Variants in ADAMTS12 observed in about 807,000 individuals in gnomAD.
ADAMTS12 encodes the protein ADAM metallopeptidase with thrombospondin type 1 motif 12, also known as A disintegrin and metalloproteinase with thrombospondin motifs 12.
A neutral mutation model predicts 167.8 loss-of-function variants in ADAMTS12; 118 were observed. The ratio of observed to expected loss-of-function variants is 0.70; its 90% CI spans 0.61 to 0.82. The LOEUF is 0.82. ADAMTS12 is among the 40% of genes least tolerant of loss of function. The pLI, the probability that ADAMTS12 is intolerant of heterozygous loss-of-function variation, is 0.00. For synonymous variants in ADAMTS12, 704 were observed against 716.9 expected, an observed-to-expected ratio of 0.98 and a Z score of 0.29; for missense variants, 1,916 against 1,998.8, an observed-to-expected ratio of 0.96 and a Z score of 0.79.
At chr5:33,725,151 G>A (rs907892538) in intron 3 of ADAMTS12, among the ~76,000 whole-genome samples, 9 of 152,094 alleles carry the variant, frequency 5.9e-5, no homozygotes, top group African/African-American at 2.2e-4. Flanking sequence ...TTGACAATCG[G>A]CATTCCTGAA....
chr5:33,824,841 TA>T (rs1275502025), intron 2 of ADAMTS12, among the ~76,000 whole-genome samples: 3 of 152,152 alleles, frequency 2.0e-5, no homozygotes, highest in Non-Finnish European at 2.9e-5. Flanking sequence ...ATCTGGCCCC[TA>T]AAATCTCCTA....
chr5:33,524,504 A>G lies in ADAMTS12; in HGVS notation c.*2684T>C, dbSNP rs969480923. On this transcript the variant is annotated 3_prime_UTR_variant, in exon 24 of 24. Coordinates refer to ENST00000504830, the MANE Select transcript of ADAMTS12 (RefSeq NM_030955.4). The stretch of plus-strand genomic sequence containing the variant: ...TCAGTTGCTTGATCCAGGTGAGAAG[A>G]AAGAAGGGCCTAGATAAAGTAAATC... 6.6e-6 allele frequency: 1 copy of G among 152,204 alleles called. No individual in the cohort carries two copies. The highest frequency in any genetic ancestry group is 1.9e-4 in the East Asian group (1 of 5,192). The allele number at this position is 152,204 out of a possible 1,614,324, so 9.4% of individuals were successfully genotyped here. A position where few individuals can be genotyped will look rare whatever the true frequency, so the allele number is the denominator to read the frequency against.
At chr5:33,681,343 G>T (rs1742103173) in intron 5 of ADAMTS12, among the ~76,000 whole-genome samples, 1 of 152,172 alleles carries the variant, frequency 6.6e-6, no homozygotes, top group South Asian at 2.1e-4. Flanking sequence ...TTGACTGCAG[G>T]TCTCTTGCTG....
chr5:33,735,790 A>G (rs1171873068), intron 3 of ADAMTS12, among the ~76,000 whole-genome samples: 1 of 152,216 alleles, frequency 6.6e-6, no homozygotes, highest in Non-Finnish European at 1.5e-5. Context: ...AACTGCCACT[A>G]AGGAAAGGAA....
chr5:33,528,718 CAG>C (rs1473912399), intron 23 of ADAMTS12, among the ~76,000 whole-genome samples: 1 of 152,224 alleles, frequency 6.6e-6, no homozygotes, highest in Non-Finnish European at 1.5e-5. Context: ...TCATACTATT[CAG>C]AGTGTCAAGC....
intron 3 of ADAMTS12, among the ~76,000 whole-genome samples, chr5:33,725,906 A>G (rs889725914): frequency 2.6e-5 from 4 of 152,332 alleles, no homozygotes; most frequent in African/African-American, 9.6e-5. Flanking sequence ...AACTTAACAA[A>G]TTCCCCGGGG....
intron 2 of ADAMTS12, among the ~76,000 whole-genome samples, chr5:33,858,144 A>G (rs983608810): frequency 6.6e-6 from 1 of 152,250 alleles, no homozygotes; most frequent in African/African-American, 2.4e-5. Flanking sequence ...TCTGACTACA[A>G]TGAAATTAAA....
intron 2 of ADAMTS12, among the ~76,000 whole-genome samples, chr5:33,814,309 T>A (rs778366838): frequency 6.6e-6 from 1 of 152,226 alleles, no homozygotes; most frequent in Non-Finnish European, 1.5e-5. Context: ...TTTTTCCATA[T>A]AGATATCTAA....
chr5:33,798,218 T>C (rs1004089253), intron 2 of ADAMTS12, among the ~76,000 whole-genome samples: 1 of 151,842 alleles, frequency 6.6e-6, no homozygotes, highest in Non-Finnish European at 1.5e-5. Flanking sequence ...AAGGGTAGTA[T>C]ATTAGTCTTT....
rs570683834 is a variant in ADAMTS12 at position 33,591,837 on chromosome 5, G to T, written c.2655-3028C>A. Among the ~76,000 whole-genome samples, 40 of 152,196 alleles carry T rather than the reference G, an allele frequency of 2.6e-4. No homozygotes were observed. In the South Asian group the frequency reaches 7.5e-3, roughly 28 times the overall value. On this transcript the variant is annotated intron_variant, in intron 17 of 23. Coordinates refer to ENST00000504830, the MANE Select transcript of ADAMTS12 (RefSeq NM_030955.4). ...TCAGTGGTGACAGGGAAAGGGGGGT[G>T]GGTTTCTATTGGCATCTAGTGGATA...
rs1387076408 is a variant in ADAMTS12 at position 33,561,047 on chromosome 5, T to C, written c.4105A>G (p.Lys1369Glu). 8.1e-6 allele frequency: 13 copies of C among 1,614,142 alleles called. No individual in the cohort carries two copies. Among genetic ancestry groups the C allele is most frequent in the Non-Finnish European group, 1.0e-5 (12 of 1,180,006 alleles). ...GTTACCTTGCTCCAGTTTCCCACTTTCCAGCCAGCACAGGGACGGAGGTGG... is the reference window on the plus strand; with the variant it reads ...GTTACCTTGCTCCAGTTTCCCACTTCCCAGCCAGCACAGGGACGGAGGTGG... ...RCHLRPCAGW[K>E]VGNWSKCSRN... Residue 1369 changes from lysine to glutamate, a missense_variant, in exon 20 of 24, where the codon AAA (lysine) becomes GAA (glutamate). Lys to Glu is a moderately conservative substitution (Grantham distance 56). Transcript: ENST00000504830.
At chr5:33,631,637 A>G (rs1433449134) in intron 12 of ADAMTS12, among the ~76,000 whole-genome samples, 1 of 152,200 alleles carries the variant, frequency 6.6e-6, no homozygotes, top group Non-Finnish European at 1.5e-5. Flanking sequence ...ATGCATACCC[A>G]TATGTATGTA....
intron 3 of ADAMTS12, among the ~76,000 whole-genome samples, chr5:33,694,882 T>C (rs1742697158): frequency 6.6e-6 from 1 of 152,234 alleles, no homozygotes; most frequent in Admixed American, 6.5e-5. Context: ...CACCTGTTTT[T>C]TCATTTTCTT....
intron 5 of ADAMTS12, among the ~76,000 whole-genome samples, chr5:33,662,626 C>T (rs149036747): frequency 6.6e-6 from 1 of 152,252 alleles, no homozygotes; most frequent in East Asian, 1.9e-4. Context: ...AGCAGATGCC[C>T]CCAGCCTGCA....
chr5:33,785,573 A>G (rs757540969), intron 2 of ADAMTS12, among the ~76,000 whole-genome samples: 39 of 152,218 alleles, frequency 2.6e-4, no homozygotes, highest in Non-Finnish European at 4.9e-4. Context: ...GATATGCAAC[A>G]TCATTAATTA....
intron 16 of ADAMTS12, among the ~76,000 whole-genome samples, chr5:33,602,247 G>A (rs183378491): frequency 1.3e-5 from 2 of 152,232 alleles, no homozygotes; most frequent in Admixed American, 1.3e-4. Context: ...TAGGAAGGCT[G>A]GCTAAATAAC....
At chr5:33,690,234 C>CA (rs1561216458) in intron 3 of ADAMTS12, among the ~76,000 whole-genome samples, 3 of 152,170 alleles carry the variant, frequency 2.0e-5, no homozygotes, top group Admixed American at 6.5e-5. Flanking sequence ...GTAGGAAGCT[C>CA]ATTTTTACTC....
chr5:33,730,289 G>GGGGTGT (rs1554038433), intron 3 of ADAMTS12, among the ~76,000 whole-genome samples: 2,223 of 144,242 alleles, frequency 0.015, 71 homozygotes, highest in East Asian at 0.12. Flanking sequence ...AGTCCATTAG[G>GGGGTGT]GTGTGTGTGT....
rs762526782 is a variant in ADAMTS12 at position 33,577,004 on chromosome 5, C to T, written c.3022G>A (p.Gly1008Ser). ...SSRRVLKPNK[G>S]TISNGKNPPT... ...GGGTTTTTTCCATTGGAAATAGTGC[C>T]TTTGTTTGGTTTCAGAACTCTCCGG... The change falls in exon 19 of 24, where the codon GGC (glycine) becomes AGC (serine). Residue 1008 changes from glycine to serine, a missense_variant. Physicochemically the swap from Gly to Ser is moderately conservative, Grantham distance 56. Coordinates refer to ENST00000504830, the MANE Select transcript of ADAMTS12 (RefSeq NM_030955.4). The T allele has an allele frequency of 6.2e-7, 1 of 1,614,134 alleles. No homozygotes were observed. The highest frequency in any genetic ancestry group is 1.1e-5 in the South Asian group (1 of 91,076).
Sources: allele counts gnomAD v4.1 joint callset (sites outside exome capture counted in the v4.1 genomes callset), GRCh38; gene constraint gnomAD v4.1.1; transcripts MANE v1.5; gene names NCBI Gene and HGNC (gene_info 2026-07-23, HGNC 2026-07-21).